EIF4E2: variants seen among roughly 807,000 people sequenced by gnomAD.
EIF4E2 encodes the protein eukaryotic translation initiation factor 4E family member 2.
In EIF4E2, 13 loss-of-function variants were observed where a neutral mutation model predicts 34.2. That is an observed-to-expected ratio of 0.38 (90% CI 0.25 to 0.60). The LOEUF (loss-of-function observed/expected upper bound fraction) is 0.60. EIF4E2 is among the 20% of genes least tolerant of loss of function. EIF4E2 has a pLI of 0.62. For missense variants in EIF4E2, 222 were observed against 315.1 expected (o/e 0.70, Z 2.24); for synonymous variants, 100 against 106.6 (o/e 0.94, Z 0.38).
At position 232,581,094 on chromosome 2, in the gene EIF4E2, C is replaced by T. The variant is rs201251136; in HGVS notation, c.*151C>T. ...GCACTCATTCCTGGAGGACGGATTCCGCTAGACACCCTCCAGCATCGCTGA... is the reference window on the plus strand; with the variant it reads ...GCACTCATTCCTGGAGGACGGATTCTGCTAGACACCCTCCAGCATCGCTGA... On this transcript the variant is annotated 3_prime_UTR_variant, in exon 7 of 7. Coordinates refer to the EIF4E2 transcript ENST00000409098. This position sits in a 1 kb window ranked among gnomAD's most constrained non-coding sequence, Gnocchi z 5.2. 21 of 783,374 alleles carry T rather than the reference C, an allele frequency of 2.7e-5. No individual in the cohort carries two copies. The highest frequency in any genetic ancestry group is 4.3e-5 in the Non-Finnish European group (19 of 446,912). 48.5% of individuals were successfully genotyped at this position (783,374 alleles called of 1,614,324 possible).
At chr2:232,580,084 CCACACACACACACACACACACACACACA>C (rs6147227) in intron 6 of EIF4E2, among the ~76,000 whole-genome samples, 2 of 145,168 alleles carry the variant, frequency 1.4e-5, no homozygotes, top group African/African-American at 5.1e-5. Flanking sequence ...CACATACATA[CCACACACACACACACACACACACACACA>C]CACACACACA....
chr2:232,565,875 C>T (rs1692906620), intron 4 of EIF4E2, among the ~76,000 whole-genome samples: 1 of 151,064 alleles, frequency 6.6e-6, no homozygotes, highest in African/African-American at 2.4e-5. Flanking sequence ...AGACAGATCA[C>T]GAGGTCAAGG....
At chr2:232,574,217 T>G (rs1693156958) in intron 6 of EIF4E2, 1 of 1,537,468 alleles carries the variant, frequency 6.5e-7, no homozygotes, top group Admixed American at 2.0e-5. Context: ...GTTCAAAAGC[T>G]TTTGATCTGA....
intron 4 of EIF4E2, among the ~76,000 whole-genome samples, chr2:232,564,746 C>A (rs1289778668): frequency 6.6e-6 from 1 of 152,222 alleles, no homozygotes; most frequent in Non-Finnish European, 1.5e-5. Context: ...CCACCGTGCC[C>A]AGCTGGTTAA....
chr2:232,563,443 A>G (rs1445868516), intron 3 of EIF4E2, among the ~76,000 whole-genome samples: 1 of 151,862 alleles, frequency 6.6e-6, no homozygotes, highest in Non-Finnish European at 1.5e-5. Context: ...AAACAGGACT[A>G]CTGTGATGAA....
intron 1 of EIF4E2, among the ~76,000 whole-genome samples, chr2:232,551,669 A>T (rs1372308745): frequency 6.6e-6 from 1 of 152,234 alleles, no homozygotes; most frequent in Non-Finnish European, 1.5e-5. Context: ...GGGTCAGATC[A>T]CACTCAGCGA....
chr2:232,551,333 C>T, intron 1 of EIF4E2: 1 of 469,330 alleles, frequency 2.1e-6, no homozygotes, highest in South Asian at 1.6e-5. Flanking sequence ...AACACACTCG[C>T]CAAGACCTAA....
At chr2:232,570,357 C>G (rs1216659734), downstream of EIF4E2, among the ~76,000 whole-genome samples, 1 of 152,178 alleles carries the variant, frequency 6.6e-6, no homozygotes, top group Non-Finnish European at 1.5e-5. Context: ...CCATTCTCTA[C>G]GTTTTTAGTA....
In EIF4E2 at chr2:232,566,958, G is replaced by A; in HGVS notation, c.505G>A (p.Ala169Thr). ...CATGGTTGGGGAGGAGATCTGTGGG[G>A]CTGTGGTGTCTGTCCGCTTTCAGGT... ...QFMVGEEICG[A>T]VVSVRFQEDI... The change falls in exon 5 of 7, where the codon GCT (alanine) becomes ACT (threonine). Residue 169 changes from alanine (A) to threonine (T), a missense_variant. Ala to Thr is a moderately conservative substitution (Grantham distance 58, BLOSUM62 0). Coordinates refer to ENST00000258416, the MANE Select transcript of EIF4E2 (RefSeq NM_004846.4). The surrounding 1 kb of genome is among the most constrained non-coding windows in gnomAD (Gnocchi z 4.9). 6.2e-7 allele frequency: 1 copy of A among 1,600,646 alleles called. No individual in the cohort carries two copies. The highest frequency in any genetic ancestry group is 8.5e-7 in the Non-Finnish European group (1 of 1,173,066).
downstream of EIF4E2, among the ~76,000 whole-genome samples, chr2:232,571,634 G>A: frequency 6.6e-6 from 1 of 152,206 alleles, no homozygotes; most frequent in East Asian, 1.9e-4. Context: ...TGGAGGGTGG[G>A]TGATTCTCTT....
chr2:232,551,067 C>T (rs1163795059), intron 1 of EIF4E2: 2 of 629,402 alleles, frequency 3.2e-6, no homozygotes, highest in South Asian at 1.6e-5. Flanking sequence ...GGGTGGGGAC[C>T]TCGGCGGTTT....
At chr2:232,558,170 T>G (rs1386740727) in intron 3 of EIF4E2, 152 bp downstream of exon 3, 8 of 988,468 alleles carry the variant, frequency 8.1e-6, no homozygotes, top group Non-Finnish European at 1.2e-5. Context: ...TGTTCATTCT[T>G]AGGTTTCTCA....
In EIF4E2 at chr2:232,568,925, A is replaced by G. The variant is rs1693023116; in HGVS notation, c.666-20A>G. On this transcript the variant is annotated intron_variant, in intron 6 of 6. Transcript: ENST00000258416. ...CTCTCTTTCCTCTCCCAATGAGCCAACCTTTTGCACTTCCACTAGAATGCC... is the reference window on the plus strand; with the variant it reads ...CTCTCTTTCCTCTCCCAATGAGCCAGCCTTTTGCACTTCCACTAGAATGCC... The G allele has an allele frequency of 6.2e-7, 1 of 1,614,088 alleles. No homozygotes were observed. The highest frequency in any genetic ancestry group is 8.5e-7 in the Non-Finnish European group (1 of 1,180,008).
chr2:232,559,403 T>C (rs1692636265), intron 3 of EIF4E2, among the ~76,000 whole-genome samples: 1 of 150,870 alleles, frequency 6.6e-6, no homozygotes. Context: ...TCCAACAGTC[T>C]TGCATATTAC....
chr2:232,564,389 GT>G (rs1692838703), intron 4 of EIF4E2, 38 bp downstream of exon 4: 2 of 1,394,184 alleles, frequency 1.4e-6, no homozygotes, highest in Non-Finnish European at 9.8e-7. Context: ...TTTTGAGCAA[GT>G]TTGGGTTTTT....
At chr2:232,574,138 T>C (rs1693155535), downstream of EIF4E2, 1 of 965,120 alleles carries the variant, frequency 1.0e-6, no homozygotes, top group Non-Finnish European at 1.6e-6. Flanking sequence ...TGCTCCCAGG[T>C]ACCTGTGGCT....
intron 6 of EIF4E2, among the ~76,000 whole-genome samples, chr2:232,580,697 G>A (rs547307313): frequency 1.1e-4 from 17 of 152,224 alleles, no homozygotes; most frequent in African/African-American, 3.9e-4. Context: ...CTAATCTTTT[G>A]CTGTTGCAAA....
chr2:232,558,069 T>C, intron 3 of EIF4E2, 51 bp downstream of exon 3: 4 of 1,587,276 alleles, frequency 2.5e-6, no homozygotes, highest in Non-Finnish European at 3.4e-6. Context: ...CGTTCATGCC[T>C]GTATTGATAT....
downstream of EIF4E2, among the ~76,000 whole-genome samples, chr2:232,573,308 C>A (rs1203949064): frequency 6.6e-6 from 1 of 152,166 alleles, no homozygotes; most frequent in Non-Finnish European, 1.5e-5. Context: ...GGTACTGTGT[C>A]ACCAAATTAA....
Sources: gnomAD v4.1 joint callset for allele counts (sites outside exome capture counted in the v4.1 genomes callset) on GRCh38, gnomAD v4.1.1 for gene constraint, Gnocchi (gnomAD v3.1) non-coding constraint, MANE v1.5 for transcripts, NCBI Gene and HGNC (gene_info 2026-07-23, HGNC 2026-07-21) for gene names.